NICOL1: variants seen among roughly 807,000 people sequenced by gnomAD.
NICOL1 encodes the protein NELL2 interacting cell ontogeny regulator 1.
At chr4:2,040,595 C>T in the NICOL1 span, among the ~76,000 whole-genome samples, 5 of 152,338 alleles carry the variant, frequency 3.3e-5, no homozygotes, top group Admixed American at 6.5e-5. Flanking sequence ...CGACGGCCTG[C>T]TCCCGGGCTC....
chr4:2,036,912 G>T, the NICOL1 span, among the ~76,000 whole-genome samples: 1 of 152,066 alleles, frequency 6.6e-6, no homozygotes, highest in Admixed American at 6.6e-5. Flanking sequence ...CACAGGGGAG[G>T]CACTGGATGA....
chr4:2,042,803 A>G, the NICOL1 span: 1 of 1,504,462 alleles, frequency 6.6e-7, no homozygotes, highest in South Asian at 1.2e-5. Flanking sequence ...TGCGGAAGAC[A>G]GCCTGCAGCC....
the NICOL1 span, among the ~76,000 whole-genome samples, chr4:2,041,471 G>T: frequency 6.6e-6 from 1 of 152,172 alleles, no homozygotes; most frequent in African/African-American, 2.4e-5. Context: ...TGGGTTGGGG[G>T]TGGGTAGCCG....
At chr4:2,042,555 T>C in the NICOL1 span, 2 of 472,522 alleles carry the variant, frequency 4.2e-6, no homozygotes, top group Non-Finnish European at 7.5e-6. Flanking sequence ...GCCGGGGCTC[T>C]GCGGGGAGGA....
chr4:2,041,970 C>G, the NICOL1 span: 1 of 1,452,650 alleles, frequency 6.9e-7, no homozygotes, highest in Non-Finnish European at 9.0e-7. Flanking sequence ...GGATGGGGAA[C>G]CCGGGCGGGG....
the NICOL1 span, chr4:2,042,460 G>A: frequency 7.1e-6 from 3 of 423,046 alleles, no homozygotes; most frequent in Admixed American, 1.3e-4. Context: ...CGCCGAGCCC[G>A]CCGGGAGTGC....
the NICOL1 span, among the ~76,000 whole-genome samples, chr4:2,038,142 T>C: frequency 6.1e-5 from 9 of 146,868 alleles, no homozygotes; most frequent in Non-Finnish European, 1.2e-4. Context: ...TAAGTAATAA[T>C]TACATTGATT....
chr4:2,042,660 A>G, the NICOL1 span: 3 of 811,958 alleles, frequency 3.7e-6, no homozygotes, highest in South Asian at 1.9e-5. Flanking sequence ...CACTGGGTGG[A>G]CGGGCCCAGA....
chr4:2,041,623 C>A, the NICOL1 span: 1 of 216,838 alleles, frequency 4.6e-6, no homozygotes. Context: ...CCACACTGGA[C>A]CCCACTCGCC....
chr4:2,042,956 G>A, the NICOL1 span: 115 of 590,888 alleles, frequency 1.9e-4, no homozygotes, highest in South Asian at 2.6e-3. Flanking sequence ...GCCGCACCTT[G>A]CCCCCTTCCT....
the NICOL1 span, chr4:2,041,957 G>A: frequency 1.4e-6 from 2 of 1,452,326 alleles, no homozygotes; most frequent in South Asian, 1.4e-5. Flanking sequence ...TGACGACGAC[G>A]TCGGATGGGG....
At chr4:2,043,821 G>A in the NICOL1 span, 3 of 1,526,820 alleles carry the variant, frequency 2.0e-6, no homozygotes, top group Non-Finnish European at 2.7e-6. Context: ...ATGCCAGTGG[G>A]CAGCTGGGCT....
chr4:2,037,208 C>T, the NICOL1 span, among the ~76,000 whole-genome samples: 9 of 152,194 alleles, frequency 5.9e-5, no homozygotes, highest in Non-Finnish European at 1.3e-4. Context: ...GCTCCCCAAC[C>T]ATGCTTATGT....
At chr4:2,042,550 G>A in the NICOL1 span, 3 of 457,540 alleles carry the variant, frequency 6.6e-6, no homozygotes, top group Non-Finnish European at 1.2e-5. Flanking sequence ...GCGGGGCCGG[G>A]GCTCTGCGGG....
the NICOL1 span, chr4:2,041,759 TC>T: frequency 4.4e-6 from 2 of 458,412 alleles, no homozygotes; most frequent in East Asian, 7.2e-5. Flanking sequence ...TCAGCTTTTC[TC>T]CCGCCGGCCT....
chr4:2,042,422 GTC>G, the NICOL1 span: 1 of 470,940 alleles, frequency 2.1e-6, no homozygotes, highest in Non-Finnish European at 3.7e-6. Context: ...CTGCTGCTGA[GTC>G]TGGCGCTGCT....
the NICOL1 span, chr4:2,042,316 G>A: frequency 1.5e-6 from 1 of 648,522 alleles, no homozygotes; most frequent in Non-Finnish European, 2.3e-6. Flanking sequence ...CTGACCCCTC[G>A]CTGGCTTCAG....
chr4:2,041,241 G>A, the NICOL1 span, among the ~76,000 whole-genome samples: 15 of 151,988 alleles, frequency 9.9e-5, no homozygotes, highest in Non-Finnish European at 2.1e-4. Context: ...TGGGGGCCTG[G>A]CTCCGACGGC....
At chr4:2,036,711 C>T in the NICOL1 span, among the ~76,000 whole-genome samples, 1 of 152,050 alleles carries the variant, frequency 6.6e-6, no homozygotes. Flanking sequence ...CACGTAGAGG[C>T]AGAAGAGTCA....
Sources: allele counts gnomAD v4.1 joint callset (sites outside exome capture counted in the v4.1 genomes callset), GRCh38; gene constraint gnomAD v4.1.1; transcripts MANE v1.5; gene names NCBI Gene and HGNC (gene_info 2026-07-23, HGNC 2026-07-21).